DNM3: variants seen among roughly 807,000 people sequenced by gnomAD.
DNM3 encodes dynamin 3, also known as dynamin-3.
A neutral mutation model predicts 101.6 loss-of-function variants in DNM3; 47 were observed. The ratio of observed to expected loss-of-function variants is 0.46; its 90% CI spans 0.37 to 0.59. The LOEUF (loss-of-function observed/expected upper bound fraction) is 0.59. Ranked by LOEUF, DNM3 falls within the 20% of genes least tolerant of loss-of-function variation. DNM3 has a pLI of 0.00. For missense variants in DNM3, 849 were observed against 1,085.7 expected (o/e 0.78, Z 3.06); for synonymous variants, 385 against 387.9 (o/e 0.99, Z 0.09).
intron 2 of DNM3, among the ~76,000 whole-genome samples, chr1:171,962,927 G>A (rs1365279155): frequency 6.6e-6 from 1 of 152,148 alleles, no homozygotes; most frequent in African/African-American, 2.4e-5. Flanking sequence ...ATTCTCATTT[G>A]TTGCTGGTGG....
chr1:172,167,042 T>C (rs2058771793), intron 14 of DNM3, among the ~76,000 whole-genome samples: 2 of 151,936 alleles, frequency 1.3e-5, no homozygotes, highest in South Asian at 4.1e-4. Flanking sequence ...TTACATTAGG[T>C]ATATCTCCTA....
chr1:172,349,704 T>A (rs2067110976), intron 17 of DNM3, among the ~76,000 whole-genome samples: 1 of 152,174 alleles, frequency 6.6e-6, no homozygotes, highest in Non-Finnish European at 1.5e-5. Flanking sequence ...CTGAGTTGAA[T>A]TCACTAGAAT....
intron 20 of DNM3, among the ~76,000 whole-genome samples, chr1:172,398,537 A>G (rs10911684): frequency 0.18 from 28,072 of 152,132 alleles, 4,732 homozygotes; most frequent in African/African-American, 0.45. Flanking sequence ...GGTAAGGTAA[A>G]TGATATCTGC....
chr1:172,224,901 C>T (rs1410311748), intron 14 of DNM3, among the ~76,000 whole-genome samples: 1 of 152,120 alleles, frequency 6.6e-6, no homozygotes, highest in South Asian at 2.1e-4. Context: ...ATGGTGGCCC[C>T]TGAAGCATAA....
chr1:171,876,904 C>T (rs1010150462), intron 1 of DNM3, among the ~76,000 whole-genome samples: 21 of 152,128 alleles, frequency 1.4e-4, no homozygotes, highest in African/African-American at 5.1e-4. Context: ...TAATGTTGTT[C>T]CAGGCGATTA....
chr1:172,151,728 A>G (rs2058135112), intron 14 of DNM3, among the ~76,000 whole-genome samples: 1 of 152,158 alleles, frequency 6.6e-6, no homozygotes, highest in Non-Finnish European at 1.5e-5. Flanking sequence ...GTGTGTGTCA[A>G]CTACTAGGGC....
chr1:172,081,841 T>C lies in DNM3; in HGVS notation c.1432T>C (p.Leu478=), dbSNP rs772300947. Residue 478 remains leucine (L), a synonymous_variant, in exon 12 of 21, where the codon TTG becomes CTG. Coordinates refer to ENST00000627582, the MANE Select transcript of DNM3 (RefSeq NM_015569.5). ...TCTCTTTGACTTATAGGTATTGCTATTGATTGACATTCAAGTCTCTTACAT... is the reference window on the plus strand; with the variant it reads ...TCTCTTTGACTTATAGGTATTGCTACTGATTGACATTCAAGTCTCTTACAT... ...EGKTKDQVLL[L]IDIQVSYINT... The C allele has an allele frequency of 6.2e-6, 10 of 1,612,460 alleles. No homozygotes were observed. The highest frequency in any genetic ancestry group is 8.5e-6 in the Non-Finnish European group (10 of 1,179,240).
intron 1 of DNM3, among the ~76,000 whole-genome samples, chr1:171,876,089 G>A (rs1571364120): frequency 1.3e-5 from 2 of 152,028 alleles, no homozygotes; most frequent in Non-Finnish European, 2.9e-5. Flanking sequence ...GATTACAGGC[G>A]TGAGCCACTG....
chr1:172,392,171 C>G (rs2069580309), intron 20 of DNM3, among the ~76,000 whole-genome samples: 1 of 152,166 alleles, frequency 6.6e-6, no homozygotes, highest in African/African-American at 2.4e-5. Flanking sequence ...TGCATGGAGC[C>G]TTTCAGTTAG....
rs112021185 is a variant in DNM3, at chr1:172,005,776, A to G, written c.589+16628A>G. On this transcript the variant is annotated intron_variant, in intron 4 of 20. Transcript: ENST00000627582. The stretch of plus-strand genomic sequence containing the variant: ...ACGTTCCTATTTAGTAGGTCCCAAC[A>G]AAACCAATTGACTTAATGGAAACTT... Among the ~76,000 whole-genome samples the G allele has an allele frequency of 2.7e-3, 407 of 152,244 alleles. 2 individuals are homozygous for G. The highest frequency in any genetic ancestry group is 9.0e-3 in the African/African-American group (372 of 41,562).
chr1:172,411,910 TA>T lies in DNM3; in HGVS notation c.*4074del, dbSNP rs35568515. ...TCACCAGATCACTCATTGTACATTCTAAAAAGCTCAAATGAGTCTTCTAGAT... is the reference window on the plus strand; with the variant it reads ...TCACCAGATCACTCATTGTACATTCTAAAAGCTCAAATGAGTCTTCTAGAT... On this transcript the variant is annotated 3_prime_UTR_variant, in exon 21 of 21. Coordinates refer to ENST00000627582, the MANE Select transcript of DNM3 (RefSeq NM_015569.5). 4 of 985,818 alleles carry T rather than the reference TA, an allele frequency of 4.1e-6. No individual in the cohort carries two copies. The highest frequency in any genetic ancestry group is 4.8e-6 in the Non-Finnish European group (4 of 829,868). The allele number at this position is 985,818 out of a possible 1,614,324, so 61.1% of individuals were successfully genotyped here. A position where few individuals can be genotyped will look rare whatever the true frequency, so the allele number is the denominator to read the frequency against.
chr1:171,855,679 C>T (rs1381876921), intron 1 of DNM3, among the ~76,000 whole-genome samples: 1 of 152,074 alleles, frequency 6.6e-6, no homozygotes, highest in East Asian at 1.9e-4. Context: ...TGTTGGCCAT[C>T]TGTATGTCTT....
At chr1:172,138,159 T>G (rs2057354451) in intron 14 of DNM3, 1 of 152,066 alleles carries the variant, frequency 6.6e-6, no homozygotes, top group African/African-American at 2.4e-5. Context: ...TTTCCATATG[T>G]CAAAAGAGGA....
At chr1:172,048,450 A>T (rs1159190158) in intron 9 of DNM3, among the ~76,000 whole-genome samples, 162 bp from the exon 10 acceptor site, 1 of 152,260 alleles carries the variant, frequency 6.6e-6, no homozygotes, top group Non-Finnish European at 1.5e-5. Flanking sequence ...GTTAAAGGTC[A>T]CATGATGTGC....
At chr1:171,984,986 A>T (rs1052954027) in intron 2 of DNM3, among the ~76,000 whole-genome samples, 35 of 152,230 alleles carry the variant, frequency 2.3e-4, no homozygotes, top group Admixed American at 1.9e-3. Flanking sequence ...AACTCATTTA[A>T]ATCTAATTTG....
In DNM3 at chr1:171,887,920, CA is replaced by C. The variant is rs565553809; in HGVS notation, c.162-33826del. Among the ~76,000 whole-genome samples, 218 of 151,798 alleles carry C rather than the reference CA, an allele frequency of 1.4e-3. 1 individual carries two copies. The highest frequency in any genetic ancestry group is 5.0e-3 in the African/African-American group (209 of 41,398). ...TGGGACCTTCAGGATGTATGTAAAA[CA>C]ATCCTTATAGGTGAAAATCTAATTG... On this transcript the variant is annotated intron_variant, in intron 1 of 20. Transcript: ENST00000627582.
chr1:172,079,250 T>C (rs1447738196), intron 11 of DNM3, among the ~76,000 whole-genome samples: 1 of 152,192 alleles, frequency 6.6e-6, no homozygotes, highest in Non-Finnish European at 1.5e-5. Context: ...CACTTTCAGG[T>C]ACACCAATCA....
chr1:172,323,396 T>G, intron 17 of DNM3, 56 bp downstream of exon 17: 1 of 1,572,268 alleles, frequency 6.4e-7, no homozygotes, highest in South Asian at 1.2e-5. Flanking sequence ...GCTCCGCTCC[T>G]GCATGTCTTG....
chr1:171,950,477 G>A (rs1033028367), intron 2 of DNM3, among the ~76,000 whole-genome samples: 2 of 152,116 alleles, frequency 1.3e-5, no homozygotes, highest in Non-Finnish European at 2.9e-5. Context: ...AGTGTTCTGA[G>A]TGCATTTATA....
Sources: allele counts gnomAD v4.1 joint callset (sites outside exome capture counted in the v4.1 genomes callset), GRCh38; gene constraint gnomAD v4.1.1; transcripts MANE v1.5; gene names NCBI Gene and HGNC (gene_info 2026-07-23, HGNC 2026-07-21).